The following CHIC1 variants were observed in gnomAD, a reference collection of about 807,000 sequenced individuals.
CHIC1 encodes the protein cysteine-rich hydrophobic domain-containing protein 1.
Under a neutral mutation model 18.5 loss-of-function variants are expected in CHIC1, and 7 were observed. The ratio of observed to expected loss-of-function variants is 0.38; its 90% CI spans 0.22 to 0.71. CHIC1 has a LOEUF of 0.71. CHIC1 is among the 30% of genes least tolerant of loss of function. The pLI is 0.49. For missense variants in CHIC1, 159 were observed against 176.9 expected (o/e 0.90, Z 0.57); for synonymous variants, 77 against 73.5 (o/e 1.05, Z -0.25).
intron 3 of CHIC1, among the ~76,000 whole-genome samples, chrX:73,652,871 A>G (rs2057924225): frequency 8.9e-6 from 1 of 112,008 alleles, no homozygotes; most frequent in East Asian, 2.8e-4. Flanking sequence ...CAGCAATTTC[A>G]TTACTGGATA....
Position 73,680,942 on chromosome X carries a change from T to C in CHIC1, c.625-13T>C. The C allele has an allele frequency of 1.0e-6, 1 of 953,792 alleles. No homozygotes were observed. Among genetic ancestry groups the C allele is most frequent in the South Asian group, 2.3e-5 (1 of 43,605 alleles). The allele number at this position is 953,792 out of a possible 1,213,427, so 78.6% of individuals were successfully genotyped here. A position where few individuals can be genotyped will look rare whatever the true frequency, so the allele number is the denominator to read the frequency against. ...AAATATTTTGTAAATATATTCTTGT[T>C]TTTATTTTGCAGGTAATACTAATAG... On this transcript the variant is annotated splice_polypyrimidine_tract_variant and intron_variant, in intron 5 of 5. Coordinates refer to ENST00000373502, the MANE Select transcript of CHIC1 (RefSeq NM_001039840.4).
At chrX:73,615,998 GGACA>G (rs1372330740) in intron 3 of CHIC1, among the ~76,000 whole-genome samples, 1 of 110,952 alleles carries the variant, frequency 9.0e-6, no homozygotes, top group Non-Finnish European at 1.9e-5. Flanking sequence ...GCCCTGGTTG[GGACA>G]GACAGTCACA....
At position 73,686,053 on chromosome X, in the gene CHIC1, C is replaced by G. The variant is rs1171352065; in HGVS notation, c.*5048C>G. On this transcript the variant is annotated 3_prime_UTR_variant, in exon 6 of 6. Transcript: ENST00000373502. ...TCAATTAAGACATTGAATTTCCATT[C>G]ATTTTGCCTATATTCTCTCAAAAGC... The G allele has an allele frequency of 9.0e-6, 1 of 111,518 alleles. No individual in the cohort carries two copies. Among genetic ancestry groups the G allele is most frequent in the Non-Finnish European group, 1.9e-5 (1 of 52,916 alleles). 9.2% of individuals were successfully genotyped at this position (111,518 alleles called of 1,213,427 possible). A position where few individuals can be genotyped will look rare whatever the true frequency, so the allele number is the denominator to read the frequency against.
At chrX:73,679,219 A>G in intron 3 of CHIC1, 107 bp from the exon 4 acceptor site, 1 of 488,694 alleles carries the variant, frequency 2.0e-6, no homozygotes, top group Non-Finnish European at 3.5e-6. Context: ...ATAGAAAAAC[A>G]AGGAGATAGT....
intron 2 of CHIC1, among the ~76,000 whole-genome samples, chrX:73,581,681 A>C (rs1300153668): frequency 9.0e-6 from 1 of 110,693 alleles, no homozygotes; most frequent in Non-Finnish European, 1.9e-5. Flanking sequence ...TTTTCAATAT[A>C]TTTGTCTTAT....
intron 3 of CHIC1, among the ~76,000 whole-genome samples, chrX:73,661,954 G>T (rs2037379365): frequency 1.8e-5 from 2 of 109,868 alleles, no homozygotes; most frequent in Admixed American, 1.9e-4. Flanking sequence ...TGAGTTAGTG[G>T]GTTCAGCGCA....
At chrX:73,640,268 T>C (rs189071099) in intron 3 of CHIC1, among the ~76,000 whole-genome samples, 36 of 112,299 alleles carry the variant, frequency 3.2e-4, no homozygotes, top group African/African-American at 1.1e-3. Flanking sequence ...GAAAGCGTTT[T>C]CTGCATCTAT....
At chrX:73,658,219 T>TAGAATTC (rs1208413688) in intron 3 of CHIC1, among the ~76,000 whole-genome samples, 1 of 100,867 alleles carries the variant, frequency 9.9e-6, no homozygotes, top group Non-Finnish European at 2.0e-5. Flanking sequence ...GTACCCCTGC[T>TAGAATTC]AGAATTCAGC....
intron 3 of CHIC1, among the ~76,000 whole-genome samples, chrX:73,663,399 A>G (rs1374659051): frequency 9.0e-6 from 1 of 110,991 alleles, no homozygotes; most frequent in Non-Finnish European, 1.9e-5. Flanking sequence ...GCCCTTTATT[A>G]GAAAGGGGTC....
chrX:73,590,434 G>T (rs545853130), intron 3 of CHIC1, among the ~76,000 whole-genome samples: 3 of 110,966 alleles, frequency 2.7e-5, no homozygotes, highest in African/African-American at 9.8e-5. Context: ...TGGTACAGTT[G>T]TTACAATTGA....
rs187323225 is a variant in CHIC1 at position 73,564,133 on chromosome X, G to A, written c.296+553G>A. On this transcript the variant is annotated intron_variant, in intron 1 of 5. Coordinates refer to ENST00000373502, the MANE Select transcript of CHIC1 (RefSeq NM_001039840.4). ...AGGTTCAGGATGAGAGGCAGCTATG[G>A]AAAGTAGAAAAAGAAATGGATTGAG... 3.0e-3 allele frequency among the ~76,000 whole-genome samples: 333 copies of A among 111,884 alleles called. 1 individual carries two copies. The highest frequency in any genetic ancestry group is 9.2e-3 in the Middle Eastern group (2 of 217).
At chrX:73,629,672 A>G (rs1396131714) in intron 3 of CHIC1, among the ~76,000 whole-genome samples, 1 of 111,925 alleles carries the variant, frequency 8.9e-6, no homozygotes, top group East Asian at 2.8e-4. Flanking sequence ...TGTCAGTATC[A>G]TACTGTTTTG....
At chrX:73,679,218 CAAG>C (rs2058085859) in intron 3 of CHIC1, 105 bp from the exon 4 acceptor site, 1 of 483,067 alleles carries the variant, frequency 2.1e-6, no homozygotes, top group South Asian at 3.4e-5. Flanking sequence ...AATAGAAAAA[CAAG>C]GAGATAGTAA....
At chrX:73,643,645 T>C (rs1847606184) in intron 3 of CHIC1, among the ~76,000 whole-genome samples, 2 of 112,176 alleles carry the variant, frequency 1.8e-5, no homozygotes, top group Non-Finnish European at 3.8e-5. Context: ...TACCCTTTCT[T>C]CCAGTTGATC....
intron 1 of CHIC1, among the ~76,000 whole-genome samples, chrX:73,572,166 G>T (rs970712768): frequency 1.8e-5 from 2 of 111,038 alleles, no homozygotes; most frequent in African/African-American, 6.5e-5. Context: ...TTATGTTCAT[G>T]TGTACTTAAT....
intron 3 of CHIC1, among the ~76,000 whole-genome samples, chrX:73,647,535 G>T (rs1306880750): frequency 1.8e-5 from 2 of 112,411 alleles, no homozygotes; most frequent in African/African-American, 6.5e-5. Context: ...GAGCCAGGGA[G>T]GCTGGATGAC....
chrX:73,593,725 T>A, intron 3 of CHIC1, among the ~76,000 whole-genome samples: 1 of 112,049 alleles, frequency 8.9e-6, no homozygotes, highest in East Asian at 2.8e-4. Flanking sequence ...TAATTTTATG[T>A]TGAAATTCCT....
intron 3 of CHIC1, among the ~76,000 whole-genome samples, chrX:73,601,292 T>C (rs2057647530): frequency 9.5e-6 from 1 of 104,905 alleles, no homozygotes; most frequent in South Asian, 4.3e-4. Context: ...TATTCCAAAA[T>C]TGACCACATA....
At chrX:73,599,774 C>G (rs1403221310) in intron 3 of CHIC1, among the ~76,000 whole-genome samples, 7 of 107,699 alleles carry the variant, frequency 6.5e-5, no homozygotes, top group Non-Finnish European at 1.3e-4. Flanking sequence ...TGTGATGCCT[C>G]CAGCTTTGTT....
Sources: allele counts gnomAD v4.1 joint callset (sites outside exome capture counted in the v4.1 genomes callset), GRCh38; gene constraint gnomAD v4.1.1; transcripts MANE v1.5; gene names NCBI Gene and HGNC (gene_info 2026-07-23, HGNC 2026-07-21).